The following ALPL variants were observed in gnomAD, a reference collection of about 807,000 sequenced individuals.
ALPL encodes the protein alkaline phosphatase, biomineralization associated.
A neutral mutation model predicts 51.3 loss-of-function variants in ALPL; 42 were observed. The ratio of observed to expected loss-of-function variants is 0.82; its 90% CI spans 0.64 to 1.06. The LOEUF (loss-of-function observed/expected upper bound fraction) is 1.06, where lower values mean the gene tolerates loss of function less well. Among genes scored for constraint, ALPL ranks in the 50% least tolerant of loss-of-function variants. ALPL has a pLI of 0.00. For missense variants in ALPL, 589 were observed against 709.4 expected (o/e 0.83, Z 1.93); for synonymous variants, 279 against 296.4 (o/e 0.94, Z 0.60).
At chr1:21,516,862 A>G (rs371315814) in intron 1 of ALPL, among the ~76,000 whole-genome samples, 1 of 152,168 alleles carries the variant, frequency 6.6e-6, no homozygotes, top group South Asian at 2.1e-4. Flanking sequence ...TAATCCTTAT[A>G]CAGATGCTCC....
intron 1 of ALPL, among the ~76,000 whole-genome samples, chr1:21,533,399 C>T (rs889422648): frequency 3.9e-5 from 6 of 152,176 alleles, no homozygotes; most frequent in African/African-American, 7.2e-5. Context: ...GATTATCTGC[C>T]GGGCTCTGCT....
rs779966784 is a variant in ALPL at position 21,567,283 on chromosome 1, G to A, written c.649-821G>A. Among the ~76,000 whole-genome samples, 141 of 152,356 alleles carry A rather than the reference G, an allele frequency of 9.3e-4. 1 individual carries two copies. The highest frequency in any genetic ancestry group is 1.5e-3 in the Non-Finnish European group (104 of 68,030). ...AGAGAACACTAGTGTGGTGGTCACC[G>A]CAGGCGGCTGCTGTTATGCTCTTGG... On this transcript the variant is annotated intron_variant, in intron 6 of 11. Coordinates refer to ENST00000374840, the MANE Select transcript of ALPL (RefSeq NM_000478.6).
At chr1:21,563,554 C>T (rs911012468) in intron 5 of ALPL, among the ~76,000 whole-genome samples, 1 of 152,164 alleles carries the variant, frequency 6.6e-6, no homozygotes, top group African/African-American at 2.4e-5. Flanking sequence ...ACGTAGCCCC[C>T]TCATAGGGTT....
At chr1:21,572,138 A>T (rs1336813091) in intron 8 of ALPL, among the ~76,000 whole-genome samples, 2 of 152,256 alleles carry the variant, frequency 1.3e-5, no homozygotes, top group Admixed American at 1.3e-4. Context: ...CAACAGAGTG[A>T]GACCCTGTCA....
intron 8 of ALPL, among the ~76,000 whole-genome samples, chr1:21,572,892 C>T (rs1644669498): frequency 6.6e-6 from 1 of 150,912 alleles, no homozygotes; most frequent in Non-Finnish European, 1.5e-5. Context: ...CCCTTCAAAT[C>T]CAACATGTAA....
intron 1 of ALPL, among the ~76,000 whole-genome samples, chr1:21,529,141 T>C (rs1281300510): frequency 6.6e-6 from 1 of 152,178 alleles, no homozygotes; most frequent in Non-Finnish European, 1.5e-5. Context: ...GATATCCTTT[T>C]ATATTTTCTT....
At chr1:21,569,897 C>T (rs1644621718) in intron 7 of ALPL, among the ~76,000 whole-genome samples, 1 of 152,190 alleles carries the variant, frequency 6.6e-6, no homozygotes, top group Non-Finnish European at 1.5e-5. Flanking sequence ...CTCCAGAAAA[C>T]AGCCCACACC....
intron 1 of ALPL, among the ~76,000 whole-genome samples, chr1:21,518,334 C>G (rs1034142226): frequency 6.6e-6 from 1 of 152,104 alleles, no homozygotes; most frequent in Non-Finnish European, 1.5e-5. Context: ...TGTTACGCAC[C>G]AAGCCACTCT....
rs1043909165 is a variant in ALPL, at chr1:21,569,573, A to G, written c.793-732A>G. On this transcript the variant is annotated intron_variant, in intron 7 of 11. Coordinates refer to ENST00000374840, the MANE Select transcript of ALPL (RefSeq NM_000478.6). ...CCACCTCCAGGAAGCAGGGGCTGGG[A>G]GGGGGGGTGCGGAGCCCCACTTTCT... Among the ~76,000 whole-genome samples, 8 of 97,786 alleles carry G rather than the reference A, an allele frequency of 8.2e-5. No individual in the cohort carries two copies. The East Asian group carries it at 5.1e-3, about 62-fold the overall frequency. 64.2% of individuals were successfully genotyped at this position (97,786 alleles called of 152,430 possible).
At chr1:21,553,707 G>A (rs1184499824) in intron 1 of ALPL, among the ~76,000 whole-genome samples, 1 of 152,228 alleles carries the variant, frequency 6.6e-6, no homozygotes, top group Non-Finnish European at 1.5e-5. Context: ...GGGGGCTTCA[G>A]ATGAATTGAA....
chr1:21,533,376 G>T (rs1305709355), intron 1 of ALPL, among the ~76,000 whole-genome samples: 3 of 152,200 alleles, frequency 2.0e-5, no homozygotes, highest in Non-Finnish European at 4.4e-5. Context: ...TTTCAGTTTG[G>T]TAGATTCTTG....
At chr1:21,519,874 C>G (rs113940057) in intron 1 of ALPL, among the ~76,000 whole-genome samples, 3 of 152,100 alleles carry the variant, frequency 2.0e-5, no homozygotes, top group African/African-American at 7.2e-5. Flanking sequence ...AACGGTAAAC[C>G]CTGCACCAAG....
At chr1:21,528,342 G>GTT (rs11368122) in intron 1 of ALPL, among the ~76,000 whole-genome samples, 177 of 111,860 alleles carry the variant, frequency 1.6e-3, no homozygotes, top group Non-Finnish European at 1.8e-3. Context: ...GACCTATTCA[G>GTT]TTTTTTTTTT....
At chr1:21,568,496 G>A (rs1215292359) in intron 7 of ALPL, among the ~76,000 whole-genome samples, 2 of 151,874 alleles carry the variant, frequency 1.3e-5, no homozygotes, top group Non-Finnish European at 2.9e-5. Context: ...AACCTGCGTG[G>A]ACATTGAGTC....
At chr1:21,551,206 T>G (rs962305488) in intron 1 of ALPL, 2 of 152,152 alleles carry the variant, frequency 1.3e-5, no homozygotes, top group Non-Finnish European at 2.9e-5. Context: ...GGCACTGGCT[T>G]TCAACTGATG....
At position 21,568,251 on chromosome 1, in the gene ALPL, G is replaced by T. The variant is rs1644596055; in HGVS notation, c.792+4G>T. On this transcript the variant is annotated splice_donor_region_variant and intron_variant, in intron 7 of 11. Transcript: ENST00000374840. The stretch of plus-strand genomic sequence containing the variant: ...GAGCTTCAAACCGAGATACAAGGTA[G>T]CCTGTGCTGGGGCCATGTGGCTGCA... The T allele has an allele frequency of 6.2e-7, 1 of 1,614,066 alleles. No individual in the cohort carries two copies. Among genetic ancestry groups the T allele is most frequent in the Non-Finnish European group, 8.5e-7 (1 of 1,179,988 alleles).
chr1:21,550,703 G>A (rs887767352), intron 1 of ALPL, among the ~76,000 whole-genome samples: 1 of 152,020 alleles, frequency 6.6e-6, no homozygotes, highest in Non-Finnish European at 1.5e-5. Context: ...TCCCGTTTCC[G>A]TACCCTCCAC....
At chr1:21,565,623 G>C (rs568746548) in intron 6 of ALPL, among the ~76,000 whole-genome samples, 8 of 151,796 alleles carry the variant, frequency 5.3e-5, no homozygotes, top group South Asian at 2.1e-4. Context: ...GAGGAGGGGG[G>C]GCCGCAGGGG....
chr1:21,524,512 A>G (rs1292776070), intron 1 of ALPL, among the ~76,000 whole-genome samples: 3 of 152,138 alleles, frequency 2.0e-5, no homozygotes, highest in African/African-American at 7.2e-5. Flanking sequence ...TAAAAAATAT[A>G]AGAAAAAAAA....
Sources: allele counts gnomAD v4.1 joint callset (sites outside exome capture counted in the v4.1 genomes callset), GRCh38; gene constraint gnomAD v4.1.1; transcripts MANE v1.5; gene names NCBI Gene and HGNC (gene_info 2026-07-23, HGNC 2026-07-21).